APC: variants seen among roughly 807,000 people sequenced by gnomAD.
The protein encoded by APC is adenomatous polyposis coli protein.
Under a neutral mutation model 247.0 loss-of-function variants are expected in APC, and 72 were observed. That is an observed-to-expected ratio of 0.29 (90% CI 0.24 to 0.35). The LOEUF (loss-of-function observed/expected upper bound fraction) is 0.35, where lower values mean the gene tolerates loss of function less well. APC is among the 10% of genes least tolerant of loss of function. The pLI, the probability that APC is intolerant of heterozygous loss-of-function variation, is 1.00. For synonymous variants in APC, 1,254 were observed against 1,162.5 expected, an observed-to-expected ratio of 1.08 and a Z score of -1.60; for missense variants, 3,400 against 3,360.7, an observed-to-expected ratio of 1.01 and a Z score of -0.29.
chr5:112,721,997 C>G (rs1382132458), intron 1 of APC, among the ~76,000 whole-genome samples: 2 of 152,144 alleles, frequency 1.3e-5, no homozygotes, highest in Admixed American at 6.5e-5. Context: ...GCTCTAGACC[C>G]TTCAGTATCC....
chr5:112,767,499 G>C (rs903248694), intron 4 of APC, 109 bp downstream of exon 4: 58 of 873,246 alleles, frequency 6.6e-5, no homozygotes, highest in Non-Finnish European at 5.1e-5. Flanking sequence ...CTAACACTTA[G>C]AGCATTTTGC....
intron 7 of APC, among the ~76,000 whole-genome samples, chr5:112,799,758 T>TAA (rs1192869129): frequency 3.9e-5 from 6 of 152,282 alleles, no homozygotes; most frequent in African/African-American, 7.2e-5. Context: ...CTTTTTGTTC[T>TAA]ACTTTCCTCC....
chr5:112,745,719 C>T (rs1333575666), intron 1 of APC, among the ~76,000 whole-genome samples: 1 of 151,914 alleles, frequency 6.6e-6, no homozygotes, highest in African/African-American at 2.4e-5. Context: ...AGGCGGGTGC[C>T]ACCACGCCCA....
intron 15 of APC, among the ~76,000 whole-genome samples, chr5:112,836,932 C>G (rs888794111): frequency 2.0e-5 from 3 of 152,080 alleles, no homozygotes; most frequent in Non-Finnish European, 4.4e-5. Flanking sequence ...ATCTCCTAAT[C>G]TCAGGTGATC....
intron 1 of APC, among the ~76,000 whole-genome samples, chr5:112,710,492 T>G (rs1171270581): frequency 6.6e-6 from 1 of 152,182 alleles, no homozygotes; most frequent in African/African-American, 2.4e-5. Flanking sequence ...TTCCCATCTT[T>G]CTTTCTCTAG....
intron 2 of APC, among the ~76,000 whole-genome samples, chr5:112,756,660 T>G (rs1755019786): frequency 6.6e-6 from 1 of 152,226 alleles, no homozygotes; most frequent in African/African-American, 2.4e-5. Context: ...GTTTAATTCC[T>G]TAAGCAATTC....
chr5:112,716,964 CTACT>C (rs1432021542), intron 1 of APC, among the ~76,000 whole-genome samples: 1 of 152,084 alleles, frequency 6.6e-6, no homozygotes, highest in Non-Finnish European at 1.5e-5. Flanking sequence ...CACTTTAATT[CTACT>C]TACTTGCAGC....
intron 1 of APC, among the ~76,000 whole-genome samples, chr5:112,744,289 A>G (rs1223468421): frequency 1.3e-5 from 2 of 152,212 alleles, no homozygotes; most frequent in Admixed American, 6.5e-5. Flanking sequence ...GTCATCTTGG[A>G]CATTCTCTGA....
intron 1 of APC, among the ~76,000 whole-genome samples, chr5:112,712,178 T>C (rs961550921): frequency 4.6e-5 from 7 of 152,342 alleles, no homozygotes; most frequent in Middle Eastern, 3.4e-3. Context: ...AGGTTCCATA[T>C]GCTTTTCACT....
Position 112,841,516 on chromosome 5 carries a change from C to T in APC, c.5922C>T (p.Asp1974=), listed in dbSNP as rs1057522700. 1 of 1,613,716 alleles carries T rather than the reference C, an allele frequency of 6.2e-7. No individual in the cohort carries two copies. ...SHNSSLSSLS[D]IDQENNNKEN... ...ATTCCTCTCTGAGTTCTCTCAGTGA[C>T]ATTGACCAAGAAAACAACAATAAAG... The change falls in exon 16 of 16, where the codon GAC becomes GAT. Residue 1974 remains aspartate, a synonymous_variant. Coordinates refer to ENST00000257430, the MANE Select transcript of APC (RefSeq NM_000038.6). The surrounding 1 kb of genome is among the most constrained non-coding windows in gnomAD (Gnocchi z 4.6).
At chr5:112,710,239 C>T (rs75130841) in intron 1 of APC, among the ~76,000 whole-genome samples, 6,709 of 152,180 alleles carry the variant, frequency 0.044, 272 homozygotes, top group East Asian at 0.13. Flanking sequence ...GTTTTTATGC[C>T]AGTTGGTGCT....
rs1218732565 is a variant in APC at position 112,845,172 on chromosome 5, C to T, written c.*1046C>T. 2 of 232,530 alleles carry T rather than the reference C, an allele frequency of 8.6e-6. No homozygotes were observed. The allele number at this position is 232,530 out of a possible 1,614,324, so 14.4% of individuals were successfully genotyped here. A position where few individuals can be genotyped will look rare whatever the true frequency, so the allele number is the denominator to read the frequency against. On this transcript the variant is annotated 3_prime_UTR_variant, in exon 16 of 16. Coordinates refer to ENST00000257430, the MANE Select transcript of APC (RefSeq NM_000038.6). ...CACTTAACCATTCCATGCGTTGGCA[C>T]TTATCTATTCCTGAAATTTCTTTTA...
chr5:112,802,660 A>G (rs111408834), intron 8 of APC, among the ~76,000 whole-genome samples: 144 of 152,214 alleles, frequency 9.5e-4, no homozygotes, highest in African/African-American at 3.1e-3. Context: ...AATCATTAAA[A>G]ATATAAAAAG....
intron 7 of APC, among the ~76,000 whole-genome samples, chr5:112,793,124 G>C (rs959463032): frequency 2.0e-5 from 3 of 152,134 alleles, no homozygotes; most frequent in African/African-American, 4.8e-5. Flanking sequence ...AATCTGTTAA[G>C]AAGCAGATGG....
In APC at chr5:112,843,179, G is replaced by T. The variant is rs1190431998; in HGVS notation, c.7585G>T (p.Ala2529Ser). ...AAGACCAGCAAAGCGCCATGATATTGCACGGTCTCATTCTGAAAGTCCTTC... is the reference window on the plus strand; with the variant it reads ...AAGACCAGCAAAGCGCCATGATATTTCACGGTCTCATTCTGAAAGTCCTTC... ...DGRPAKRHDI[A>S]RSHSESPSRL... The change falls in exon 16 of 16, where the codon GCA becomes TCA. Residue 2529 changes from alanine (A) to serine (S), a missense_variant. Around this residue, in one of 9 missense-constraint regions of APC, gnomAD observed 1,788 missense variants for 1,649.5 expected, o/e 1.08. Transcript: ENST00000257430. The surrounding 1 kb of genome is among the most constrained non-coding windows in gnomAD (Gnocchi z 4.8). 6.2e-7 allele frequency: 1 copy of T among 1,613,132 alleles called. No individual in the cohort carries two copies. Among genetic ancestry groups the T allele is most frequent in the Non-Finnish European group, 8.5e-7 (1 of 1,179,150 alleles).
At chr5:112,816,253 T>C (rs892717734) in intron 9 of APC, among the ~76,000 whole-genome samples, 1 of 152,228 alleles carries the variant, frequency 6.6e-6, no homozygotes, top group African/African-American at 2.4e-5. Flanking sequence ...CCCCATGTGA[T>C]CCATCTGCCT....
At chr5:112,807,277 G>A (rs1372548192) in intron 8 of APC, among the ~76,000 whole-genome samples, 3 of 152,028 alleles carry the variant, frequency 2.0e-5, no homozygotes, top group African/African-American at 7.2e-5. Flanking sequence ...AGTTTACTGT[G>A]GTAATTGTAT....
intron 14 of APC, among the ~76,000 whole-genome samples, chr5:112,833,459 G>T (rs1284389321): frequency 1.3e-5 from 2 of 152,086 alleles, no homozygotes; most frequent in Non-Finnish European, 2.9e-5. Context: ...GGGATTACAG[G>T]CATGAGCCAT....
At chr5:112,800,387 A>G (rs1172416617) in intron 7 of APC, among the ~76,000 whole-genome samples, 2 of 152,192 alleles carry the variant, frequency 1.3e-5, no homozygotes, top group Admixed American at 6.5e-5. Flanking sequence ...TTGCCAGCAT[A>G]TAACTGATAC....
Sources: allele counts gnomAD v4.1 joint callset (sites outside exome capture counted in the v4.1 genomes callset), GRCh38; gene constraint gnomAD v4.1.1; regional missense constraint gnomAD v4.1.1; non-coding constraint Gnocchi (gnomAD v3.1); transcripts MANE v1.5; gene names NCBI Gene and HGNC (gene_info 2026-07-23, HGNC 2026-07-21).